The following PTPRO variants were observed in gnomAD, a reference collection of about 807,000 sequenced individuals.
PTPRO encodes receptor-type tyrosine-protein phosphatase O.
PTPRO carries 62 observed loss-of-function variants against 145.2 expected under a neutral mutation model. The observed-to-expected ratio is 0.43, with a 90% CI of 0.35 to 0.53. The LOEUF is 0.53. PTPRO is among the 20% of genes least tolerant of loss of function. The pLI, the probability that PTPRO is intolerant of heterozygous loss-of-function variation, is 0.01. For synonymous variants in PTPRO, 565 were observed against 514.7 expected, an observed-to-expected ratio of 1.10 and a Z score of -1.32; for missense variants, 1,345 against 1,482.7, an observed-to-expected ratio of 0.91 and a Z score of 1.53.
At chr12:15,370,048 T>C (rs753793835) in intron 1 of PTPRO, among the ~76,000 whole-genome samples, 2 of 124,980 alleles carry the variant, frequency 1.6e-5, no homozygotes, top group Non-Finnish European at 3.2e-5. Flanking sequence ...CAAGACTCCA[T>C]CTCAAAAAAA....
chr12:15,449,051 G>A (rs1479878271), intron 1 of PTPRO, among the ~76,000 whole-genome samples: 7 of 151,748 alleles, frequency 4.6e-5, no homozygotes, highest in Admixed American at 2.6e-4. Context: ...TTCGCAAATA[G>A]GGCATCCCCC....
At chr12:15,336,860 A>G (rs1244283723) in intron 1 of PTPRO, among the ~76,000 whole-genome samples, 2 of 152,182 alleles carry the variant, frequency 1.3e-5, no homozygotes, top group Non-Finnish European at 1.5e-5. Context: ...TTGGGATACC[A>G]TTCTCCTACT....
chr12:15,518,404 C>T (rs1942644950), intron 9 of PTPRO, among the ~76,000 whole-genome samples: 1 of 152,222 alleles, frequency 6.6e-6, no homozygotes, highest in Admixed American at 6.5e-5. Context: ...ATGGGAGGGG[C>T]TTCCATGAAG....
intron 1 of PTPRO, among the ~76,000 whole-genome samples, chr12:15,360,642 T>C (rs912455600): frequency 1.3e-5 from 2 of 151,718 alleles, no homozygotes; most frequent in Non-Finnish European, 2.9e-5. Flanking sequence ...TGTGTGTGTA[T>C]ATATATACAT....
At chr12:15,529,010 G>A (rs1003517761) in intron 12 of PTPRO, among the ~76,000 whole-genome samples, 1 of 152,176 alleles carries the variant, frequency 6.6e-6, no homozygotes, top group Non-Finnish European at 1.5e-5. Context: ...AGAAATGCAA[G>A]AGAGTTCTTC....
chr12:15,335,477 T>C (rs1486384037), intron 1 of PTPRO, among the ~76,000 whole-genome samples: 3 of 152,112 alleles, frequency 2.0e-5, no homozygotes, highest in African/African-American at 7.2e-5. Flanking sequence ...TGCATTGCCA[T>C]GGGGGAATTT....
intron 1 of PTPRO, among the ~76,000 whole-genome samples, chr12:15,327,199 G>A (rs1866469732): frequency 6.6e-6 from 1 of 152,020 alleles, no homozygotes; most frequent in African/African-American, 2.4e-5. Context: ...ACTTATATTA[G>A]AATCTTATTA....
chr12:15,594,194 A>AT (rs1274756418), intron 25 of PTPRO, among the ~76,000 whole-genome samples: 8 of 151,980 alleles, frequency 5.3e-5, no homozygotes, highest in African/African-American at 1.9e-4. Context: ...GTAGATTGAG[A>AT]TTTTTATTTG....
At chr12:15,510,110 G>T (rs1407277564) in intron 7 of PTPRO, among the ~76,000 whole-genome samples, 1 of 152,170 alleles carries the variant, frequency 6.6e-6, no homozygotes, top group Non-Finnish European at 1.5e-5. Flanking sequence ...GATGTTTGCT[G>T]TATGACAGCA....
At chr12:15,381,183 G>A (rs1938850915) in intron 1 of PTPRO, among the ~76,000 whole-genome samples, 1 of 152,092 alleles carries the variant, frequency 6.6e-6, no homozygotes, top group Non-Finnish European at 1.5e-5. Context: ...AATATTCTCA[G>A]AATACAATTT....
At chr12:15,361,869 A>G (rs1938220623) in intron 1 of PTPRO, among the ~76,000 whole-genome samples, 1 of 152,208 alleles carries the variant, frequency 6.6e-6, no homozygotes, top group Non-Finnish European at 1.5e-5. Flanking sequence ...ATTTTAATTC[A>G]TGTTATAAAT....
At chr12:15,394,664 A>G (rs984050450) in intron 1 of PTPRO, among the ~76,000 whole-genome samples, 1 of 152,206 alleles carries the variant, frequency 6.6e-6, no homozygotes, top group Non-Finnish European at 1.5e-5. Context: ...TCTGATTACC[A>G]TCTTTGCTGA....
chr12:15,448,907 A>G (rs183290141), intron 1 of PTPRO, among the ~76,000 whole-genome samples: 4 of 152,304 alleles, frequency 2.6e-5, no homozygotes, highest in African/African-American at 4.8e-5. Flanking sequence ...GAAATAAGCC[A>G]GACACAGAAG....
At chr12:15,593,539 C>T (rs974243290) in intron 25 of PTPRO, among the ~76,000 whole-genome samples, 1 of 152,112 alleles carries the variant, frequency 6.6e-6, no homozygotes, top group Admixed American at 6.5e-5. Context: ...ATTCTATTTA[C>T]ATTGTAGTTT....
rs948167487 is a variant in PTPRO, at chr12:15,343,974, G to A, written c.75+21173G>A. 2.6e-5 allele frequency among the ~76,000 whole-genome samples: 4 copies of A among 152,250 alleles called. 1 individual carries two copies. The South Asian group carries it at 6.2e-4, about 24-fold the overall frequency. On this transcript the variant is annotated intron_variant, in intron 1 of 26. Coordinates refer to ENST00000281171, the MANE Select transcript of PTPRO (RefSeq NM_030667.3). ...GCTGGGATTACAGGCGTGAGCCACC[G>A]CGCCCGGCCATAAATAAACAATCTT...
At chr12:15,535,213 G>A (rs1212847858) in intron 12 of PTPRO, among the ~76,000 whole-genome samples, 2 of 152,088 alleles carry the variant, frequency 1.3e-5, no homozygotes, top group Non-Finnish European at 2.9e-5. Context: ...TGGATATCCC[G>A]GTGCAGATGT....
chr12:15,506,226 G>A (rs1189949238), intron 6 of PTPRO, among the ~76,000 whole-genome samples: 2 of 152,140 alleles, frequency 1.3e-5, no homozygotes, highest in African/African-American at 4.8e-5. Context: ...AACACTTCAC[G>A]TTTATGTAGT....
rs567990201 is a variant in PTPRO at position 15,531,639 on chromosome 12, G to C, written c.2164+5377G>C. On this transcript the variant is annotated intron_variant, in intron 12 of 26. Coordinates refer to ENST00000281171, the MANE Select transcript of PTPRO (RefSeq NM_030667.3). Reference sequence around the variant, plus strand: ...AGACAGTATCCTAAAATCTGCCACAGACAATGGAGGATGGATTGACACAAA... The same window carrying C: ...AGACAGTATCCTAAAATCTGCCACACACAATGGAGGATGGATTGACACAAA... Among the ~76,000 whole-genome samples, 60 of 152,244 alleles carry C rather than the reference G, an allele frequency of 3.9e-4. 1 individual carries two copies. Among genetic ancestry groups the C allele is most frequent in the African/African-American group, 1.3e-3 (55 of 41,544 alleles).
chr12:15,571,875 C>A (rs1206492104), intron 19 of PTPRO, among the ~76,000 whole-genome samples: 4 of 152,116 alleles, frequency 2.6e-5, no homozygotes, highest in Non-Finnish European at 4.4e-5. Flanking sequence ...AGAACCAAAC[C>A]ATAAGCGATT....
Sources: allele counts gnomAD v4.1 joint callset (sites outside exome capture counted in the v4.1 genomes callset), GRCh38; gene constraint gnomAD v4.1.1; transcripts MANE v1.5; gene names NCBI Gene and HGNC (gene_info 2026-07-23, HGNC 2026-07-21).